The following THSD7A variants were observed in gnomAD, a reference collection of about 807,000 sequenced individuals.
The protein encoded by THSD7A is thrombospondin type-1 domain-containing protein 7A.
In THSD7A, 96 loss-of-function variants were observed where a neutral mutation model predicts 231.3. That is an observed-to-expected ratio of 0.41 (90% CI 0.35 to 0.49). The LOEUF is 0.49. Ranked by LOEUF, THSD7A falls within the 20% of genes least tolerant of loss-of-function variation. The probability of loss-of-function intolerance (pLI) is 0.05; values close to 1 mark genes in which losing one functional copy is unlikely to be tolerated. For missense variants in THSD7A, 2,290 were observed against 2,070.2 expected (o/e 1.11, Z -2.06); for synonymous variants, 940 against 743.3 (o/e 1.26, Z -4.30).
intron 1 of THSD7A, among the ~76,000 whole-genome samples, chr7:11,722,097 T>C (rs1186784841): frequency 6.6e-6 from 1 of 151,890 alleles, no homozygotes; most frequent in African/African-American, 2.4e-5. Flanking sequence ...CACCATGTTG[T>C]TTCTAGCCTC....
chr7:11,695,197 G>A lies in THSD7A; in HGVS notation c.191-58236C>T, dbSNP rs145929423. Among the ~76,000 whole-genome samples, 325 of 151,478 alleles carry A rather than the reference G, an allele frequency of 2.1e-3. 1 individual carries two copies. The highest frequency in any genetic ancestry group is 3.6e-3 in the Non-Finnish European group (241 of 67,632). On this transcript the variant is annotated intron_variant, in intron 1 of 27. Coordinates refer to ENST00000423059, the MANE Select transcript of THSD7A (RefSeq NM_015204.3). Reference sequence around the variant, plus strand: ...GAATTATGTCTCCTGTTCATCTCTTGCTGACCATAATACACTTTAACTAAA... The same window carrying A: ...GAATTATGTCTCCTGTTCATCTCTTACTGACCATAATACACTTTAACTAAA...
chr7:11,674,061 G>A lies in THSD7A; in HGVS notation c.191-37100C>T, dbSNP rs1260107166. Among the ~76,000 whole-genome samples, 5 of 151,842 alleles carry A rather than the reference G, an allele frequency of 3.3e-5. No homozygotes were observed. In the East Asian group the frequency reaches 9.8e-4, roughly 30 times the overall value. Reference sequence around the variant, plus strand: ...ACCGACTCTACAAGCACAAGACACTGGCAGGTCACTCAGGAGTTGCAGGTT... The same window carrying A: ...ACCGACTCTACAAGCACAAGACACTAGCAGGTCACTCAGGAGTTGCAGGTT... On this transcript the variant is annotated intron_variant, in intron 1 of 27. Transcript: ENST00000423059.
At chr7:11,668,713 G>C (rs1783254131) in intron 1 of THSD7A, among the ~76,000 whole-genome samples, 2 of 152,142 alleles carry the variant, frequency 1.3e-5, no homozygotes, top group Non-Finnish European at 2.9e-5. Flanking sequence ...GTAAATGTAA[G>C]TCCTAAAACA....
chr7:11,513,941 A>G (rs1474348198), intron 6 of THSD7A, among the ~76,000 whole-genome samples: 1 of 150,738 alleles, frequency 6.6e-6, no homozygotes, highest in East Asian at 1.9e-4. Context: ...GCATAGGTGC[A>G]CACACACACA....
At chr7:11,827,556 T>G (rs1785068784) in intron 1 of THSD7A, among the ~76,000 whole-genome samples, 1 of 152,172 alleles carries the variant, frequency 6.6e-6, no homozygotes, top group Non-Finnish European at 1.5e-5. Flanking sequence ...TCTTAGACTG[T>G]TTCTCTAGGT....
intron 1 of THSD7A, among the ~76,000 whole-genome samples, chr7:11,706,055 G>C (rs997545436): frequency 1.3e-5 from 2 of 150,886 alleles, no homozygotes; most frequent in African/African-American, 2.4e-5. Flanking sequence ...CATTCGTCTG[G>C]TTCTTATAAA....
At chr7:11,777,414 T>TACACACACAC (rs66487858) in intron 1 of THSD7A, among the ~76,000 whole-genome samples, 4 of 147,164 alleles carry the variant, frequency 2.7e-5, no homozygotes, top group East Asian at 4.0e-4. Context: ...GTAAATTAAG[T>TACACACACAC]ACACACACAC....
At chr7:11,639,652 A>G (rs1480494357) in intron 1 of THSD7A, among the ~76,000 whole-genome samples, 5 of 151,488 alleles carry the variant, frequency 3.3e-5, no homozygotes, top group Non-Finnish European at 7.4e-5. Context: ...TGGGCAACAG[A>G]TTGAGACTCC....
intron 4 of THSD7A, among the ~76,000 whole-genome samples, chr7:11,584,281 T>C (rs1347410934): frequency 6.6e-6 from 1 of 152,146 alleles, no homozygotes; most frequent in Non-Finnish European, 1.5e-5. Context: ...ATATATGCAA[T>C]TATTAATAAT....
chr7:11,429,091 G>A lies in THSD7A; in HGVS notation c.3099C>T (p.Pro1033=), dbSNP rs1784405767. 5.0e-6 allele frequency: 8 copies of A among 1,609,622 alleles called. No homozygotes were observed. Among genetic ancestry groups the A allele is most frequent in the Non-Finnish European group, 6.8e-6 (8 of 1,178,360 alleles). ...ACCACTCACTGAGCTTGCAGTCTGA[G>A]GGGCAGGGGATGATGCAGGCCTCCT... ...YIEEACIIPC[P]SDCKLSEWSN... Residue 1033 remains proline, a synonymous_variant, in exon 14 of 28, where the codon CCC becomes CCT. Transcript: ENST00000423059.
At chr7:11,706,284 T>C (rs1008176887) in intron 1 of THSD7A, among the ~76,000 whole-genome samples, 2 of 150,944 alleles carry the variant, frequency 1.3e-5, no homozygotes, top group African/African-American at 2.4e-5. Flanking sequence ...TGTGGTCTTG[T>C]CTGTGAGTGC....
At chr7:11,529,143 T>C (rs1011058199) in intron 6 of THSD7A, among the ~76,000 whole-genome samples, 8 of 152,196 alleles carry the variant, frequency 5.3e-5, no homozygotes, top group Non-Finnish European at 1.2e-4. Context: ...TACAATACTT[T>C]TTATAAGTTT....
intron 1 of THSD7A, among the ~76,000 whole-genome samples, chr7:11,716,755 C>G (rs1781150982): frequency 6.6e-6 from 1 of 151,538 alleles, no homozygotes; most frequent in Non-Finnish European, 1.5e-5. Flanking sequence ...CTTCCTTACT[C>G]CAATGCCTTA....
chr7:11,375,567 G>A lies in THSD7A; in HGVS notation c.*227C>T, dbSNP rs1166663806. On this transcript the variant is annotated 3_prime_UTR_variant, in exon 28 of 28. Transcript: ENST00000423059. ...ACATAAAACTTTCAGAATGCAGCAT[G>A]TATTCAGCTAAATCTCCTATAATTC... 2 of 369,266 alleles carry A rather than the reference G, an allele frequency of 5.4e-6. No individual in the cohort carries two copies. Among genetic ancestry groups the A allele is most frequent in the Non-Finnish European group, 9.7e-6 (2 of 207,248 alleles). 22.9% of individuals were successfully genotyped at this position (369,266 alleles called of 1,614,324 possible).
chr7:11,631,180 T>A (rs1781640588), intron 2 of THSD7A, among the ~76,000 whole-genome samples: 2 of 152,208 alleles, frequency 1.3e-5, no homozygotes. Context: ...ATTGTGCCAC[T>A]GGGTGCTTTA....
At chr7:11,514,845 A>T (rs1280797137) in intron 6 of THSD7A, among the ~76,000 whole-genome samples, 1 of 152,150 alleles carries the variant, frequency 6.6e-6, no homozygotes, top group Non-Finnish European at 1.5e-5. Flanking sequence ...ACATAGAAAC[A>T]TTTTACTATG....
rs1000255966 is a variant in THSD7A at position 11,371,975 on chromosome 7, G to C, written c.*3819C>G. ...GTCAAGAGTAGAAAGAGACCAAGCAGAGAAAATCAGAAAGGGCCAAGGATA... is the reference window on the plus strand; with the variant it reads ...GTCAAGAGTAGAAAGAGACCAAGCACAGAAAATCAGAAAGGGCCAAGGATA... On this transcript the variant is annotated 3_prime_UTR_variant, in exon 28 of 28. Transcript: ENST00000423059. 6.6e-6 allele frequency: 1 copy of C among 151,746 alleles called. No homozygotes were observed. Among genetic ancestry groups the C allele is most frequent in the Non-Finnish European group, 1.5e-5 (1 of 67,962 alleles). 9.4% of individuals were successfully genotyped at this position (151,746 alleles called of 1,614,324 possible).
chr7:11,538,244 CA>C lies in THSD7A; in HGVS notation c.1822+3174del, dbSNP rs778378681. On this transcript the variant is annotated intron_variant, in intron 6 of 27. Coordinates refer to ENST00000423059, the MANE Select transcript of THSD7A (RefSeq NM_015204.3). ...CTTTAAAAAATAATGCAAAAACAAA[CA>C]AAAAAATAACATAACTGACTTTTTT... Among the ~76,000 whole-genome samples, 8 of 151,754 alleles carry C rather than the reference CA, an allele frequency of 5.3e-5. No homozygotes were observed. In the East Asian group the frequency reaches 7.7e-4, roughly 15 times the overall value.
At chr7:11,550,849 C>A (rs1240908086) in intron 4 of THSD7A, among the ~76,000 whole-genome samples, 1 of 152,080 alleles carries the variant, frequency 6.6e-6, no homozygotes, top group Non-Finnish European at 1.5e-5. Context: ...AATAACTCTT[C>A]TGAAATTAAT....
Sources: allele counts gnomAD v4.1 joint callset (sites outside exome capture counted in the v4.1 genomes callset), GRCh38; gene constraint gnomAD v4.1.1; transcripts MANE v1.5; gene names NCBI Gene and HGNC (gene_info 2026-07-23, HGNC 2026-07-21).